RGS22: variants seen among roughly 807,000 people sequenced by gnomAD.
RGS22 encodes regulator of G protein signaling 22, also known as regulator of G-protein signaling 22.
Under a neutral mutation model 172.9 loss-of-function variants are expected in RGS22, and 148 were observed. That is an observed-to-expected ratio of 0.86 (90% CI 0.75 to 0.98). The LOEUF is 0.98. RGS22 is among the 50% of genes least tolerant of loss of function. The pLI is 0.00. For synonymous variants in RGS22, 458 were observed against 480.2 expected (o/e 0.95, Z 0.60); for missense variants, 1,347 against 1,440.8 (o/e 0.93, Z 1.05).
At chr8:100,061,115 G>A (rs1810102332) in intron 9 of RGS22, among the ~76,000 whole-genome samples, 1 of 152,186 alleles carries the variant, frequency 6.6e-6, no homozygotes, top group Non-Finnish European at 1.5e-5. Flanking sequence ...CTGGCCATAT[G>A]CAGAAGACTG....
intron 14 of RGS22, among the ~76,000 whole-genome samples, chr8:100,010,302 A>G (rs890810971): frequency 3.3e-5 from 5 of 152,110 alleles, no homozygotes; most frequent in African/African-American, 1.2e-4. Flanking sequence ...CCTGGCCAAC[A>G]TGGTGAAACC....
chr8:99,994,364 C>A (rs1041504752), intron 20 of RGS22, among the ~76,000 whole-genome samples: 1 of 152,162 alleles, frequency 6.6e-6, no homozygotes, highest in African/African-American at 2.4e-5. Context: ...ATTTAGAAAA[C>A]CCCGTCATCT....
intron 23 of RGS22, among the ~76,000 whole-genome samples, chr8:99,974,940 G>A (rs545413244): frequency 5.7e-4 from 87 of 152,116 alleles, no homozygotes; most frequent in African/African-American, 2.0e-3. Flanking sequence ...TTGAGGTCAA[G>A]AGTTTGAGAT....
intron 19 of RGS22, among the ~76,000 whole-genome samples, chr8:99,998,625 A>G (rs554774623): frequency 6.6e-6 from 1 of 151,780 alleles, no homozygotes; most frequent in Non-Finnish European, 1.5e-5. Flanking sequence ...GGGAATTTTG[A>G]CTCCATGCTT....
chr8:100,028,662 C>T (rs1480213377), intron 14 of RGS22, among the ~76,000 whole-genome samples: 1 of 151,998 alleles, frequency 6.6e-6, no homozygotes, highest in African/African-American at 2.4e-5. Context: ...ATAAAAAACC[C>T]CACTAAAAAG....
At chr8:99,978,834 T>G (rs1392916085) in intron 22 of RGS22, among the ~76,000 whole-genome samples, 2 of 152,182 alleles carry the variant, frequency 1.3e-5, no homozygotes, top group Non-Finnish European at 2.9e-5. Flanking sequence ...AGGAATGGCC[T>G]TTACCTAATA....
In RGS22 at chr8:100,029,720, A is replaced by G. The variant is rs112299639; in HGVS notation, c.2166+9211T>C. On this transcript the variant is annotated intron_variant, in intron 14 of 27. Transcript: ENST00000360863. ...TCCGTCTCAAAAAAAAAAAAAAAAA[A>G]AAAGAAAAAAAGAAACCATGGCATG... Among the ~76,000 whole-genome samples, 103 of 150,912 alleles carry G rather than the reference A, an allele frequency of 6.8e-4. 1 individual carries two copies. Among genetic ancestry groups the G allele is most frequent in the African/African-American group, 2.1e-3 (87 of 41,346 alleles).
At chr8:100,089,540 G>C (rs1812409479) in intron 3 of RGS22, among the ~76,000 whole-genome samples, 1 of 152,006 alleles carries the variant, frequency 6.6e-6, no homozygotes, top group South Asian at 2.1e-4. Context: ...CATTTGACAT[G>C]GTTTCCAGAG....
In RGS22 at chr8:100,080,224, A is replaced by T. The variant is rs1811652047; in HGVS notation, c.249T>A (p.Asp83Glu). Residue 83 changes from aspartate (D) to glutamate (E), a missense_variant, in exon 4 of 28, where the codon GAT (aspartate) becomes GAA (glutamate). Coordinates refer to ENST00000360863, the MANE Select transcript of RGS22 (RefSeq NM_015668.5). Reference sequence around the variant, plus strand: ...CCTCATTCTTTCCTTTCCTTACAACATCATAAATGGGATTTCGAGGTTGCT... The same window carrying T: ...CCTCATTCTTTCCTTTCCTTACAACTTCATAAATGGGATTTCGAGGTTGCT... ...QNQQPRNPIY[D>E]VVRKGKNEVK... The T allele has an allele frequency of 1.9e-6, 3 of 1,613,592 alleles. No individual in the cohort carries two copies. The highest frequency in any genetic ancestry group is 2.7e-5 in the African/African-American group (2 of 74,926).
chr8:99,992,027 G>C (rs1014947342), intron 20 of RGS22, among the ~76,000 whole-genome samples: 2 of 152,170 alleles, frequency 1.3e-5, no homozygotes, highest in African/African-American at 4.8e-5. Context: ...AGCTTCATAA[G>C]TGAAGGAGAA....
intron 19 of RGS22, among the ~76,000 whole-genome samples, chr8:99,997,619 G>C (rs1002085220): frequency 6.6e-6 from 1 of 152,118 alleles, no homozygotes; most frequent in Non-Finnish European, 1.5e-5. Context: ...AAGCTTTTCA[G>C]GTTCTTCCTG....
chr8:100,036,988 G>A (rs1462775061), intron 14 of RGS22, among the ~76,000 whole-genome samples: 1 of 152,128 alleles, frequency 6.6e-6, no homozygotes, highest in Non-Finnish European at 1.5e-5. Flanking sequence ...CCCCTGAAGA[G>A]AGTCATATAT....
At chr8:100,059,456 A>C (rs1221122543) in intron 9 of RGS22, among the ~76,000 whole-genome samples, 1 of 151,906 alleles carries the variant, frequency 6.6e-6, no homozygotes, top group African/African-American at 2.4e-5. Context: ...GTTCCATGTC[A>C]ATGGAAACAA....
intron 14 of RGS22, among the ~76,000 whole-genome samples, chr8:100,021,577 A>G: frequency 6.6e-6 from 1 of 152,342 alleles, no homozygotes; most frequent in East Asian, 1.9e-4. Context: ...CTGGACCCCA[A>G]AGAGACCAAA....
At chr8:99,973,214 G>A (rs1811563211) in intron 23 of RGS22, among the ~76,000 whole-genome samples, 1 of 152,004 alleles carries the variant, frequency 6.6e-6, no homozygotes, top group South Asian at 2.1e-4. Flanking sequence ...CACATGCACA[G>A]GTATGTTTAT....
At chr8:100,062,852 G>T (rs1371494963) in intron 8 of RGS22, 100 bp from the exon 9 acceptor site, 7 of 968,210 alleles carry the variant, frequency 7.2e-6, no homozygotes, top group African/African-American at 1.7e-5. Context: ...ACAAGTTAAA[G>T]ACTTTCCTAA....
At chr8:99,971,821 T>C (rs184666782) in intron 23 of RGS22, among the ~76,000 whole-genome samples, 59 of 152,258 alleles carry the variant, frequency 3.9e-4, no homozygotes, top group Admixed American at 3.3e-3. Context: ...ATGGCCATAC[T>C]GCCCAAAGTA....
chr8:100,024,553 T>C (rs1226249490), intron 14 of RGS22, among the ~76,000 whole-genome samples: 1 of 152,144 alleles, frequency 6.6e-6, no homozygotes, highest in Non-Finnish European at 1.5e-5. Context: ...TTCATGGACC[T>C]ACAGTCTCAC....
chr8:100,061,923 T>C (rs1586172851), intron 9 of RGS22, among the ~76,000 whole-genome samples: 1 of 152,094 alleles, frequency 6.6e-6, no homozygotes, highest in Non-Finnish European at 1.5e-5. Context: ...ATAGACTGGA[T>C]AAAGAAAATG....
Sources: gnomAD v4.1 joint callset for allele counts (sites outside exome capture counted in the v4.1 genomes callset) on GRCh38, gnomAD v4.1.1 for gene constraint, MANE v1.5 for transcripts, NCBI Gene and HGNC (gene_info 2026-07-23, HGNC 2026-07-21) for gene names.